The following PCDHGA4 variants were observed in gnomAD, a reference collection of about 807,000 sequenced individuals.
PCDHGA4 encodes protocadherin gamma-A4.
Under a neutral mutation model 54.6 loss-of-function variants are expected in PCDHGA4, and 38 were observed. That is an observed-to-expected ratio of 0.70 (90% CI 0.54 to 0.91). The LOEUF is 0.91. Ranked by LOEUF, PCDHGA4 falls within the 40% of genes least tolerant of loss-of-function variation. PCDHGA4 has a pLI of 0.00. For missense variants in PCDHGA4, 1,298 were observed against 1,220.9 expected, an observed-to-expected ratio of 1.06 and a Z score of -0.94; for synonymous variants, 511 against 512.9, an observed-to-expected ratio of 1.00 and a Z score of 0.05.
intron 1 of PCDHGA4, chr5:141,371,386 G>GT: frequency 6.2e-7 from 1 of 1,614,006 alleles, no homozygotes; most frequent in Non-Finnish European, 8.5e-7. Context: ...ACTGCATATT[G>GT]TAAAGTACAG....
In PCDHGA4 at chr5:141,485,049, G is replaced by C. The variant is rs1271101804; in HGVS notation, c.2515-9758G>C. On this transcript the variant is annotated intron_variant, in intron 1 of 3. Coordinates refer to ENST00000571252, the MANE Select transcript of PCDHGA4 (RefSeq NM_018917.4). The surrounding 1 kb of genome is among the most constrained non-coding windows in gnomAD (Gnocchi z 5.7). ...AACGGCGCGTAACCCTTGCGGCGCC[G>C]GCCGAACCGCGCCAGAGCTGGCGCG... 1 of 780,438 alleles carries C rather than the reference G, an allele frequency of 1.3e-6. No homozygotes were observed. The highest frequency in any genetic ancestry group is 2.1e-6 in the Non-Finnish European group (1 of 469,234). The allele number at this position is 780,438 out of a possible 1,614,324, so 48.3% of individuals were successfully genotyped here. A position where few individuals can be genotyped will look rare whatever the true frequency, so the allele number is the denominator to read the frequency against.
Position 141,399,437 on chromosome 5 carries a change from A to T in PCDHGA4, c.2514+41816A>T, listed in dbSNP as rs780100815. The stretch of plus-strand genomic sequence containing the variant: ...TCCTCCAGCATAAGCGTCATCCTAC[A>T]TATCAGAGACGTCAACGATAACGCT... On this transcript the variant is annotated intron_variant, in intron 1 of 3. Coordinates refer to ENST00000571252, the MANE Select transcript of PCDHGA4 (RefSeq NM_018917.4). 22 of 1,613,998 alleles carry T rather than the reference A, an allele frequency of 1.4e-5. No individual in the cohort carries two copies. The South Asian group carries it at 2.2e-4, about 16-fold the overall frequency.
chr5:141,494,601 A>T (rs1396717178), intron 1 of PCDHGA4, among the ~76,000 whole-genome samples: 1 of 151,892 alleles, frequency 6.6e-6, no homozygotes, highest in East Asian at 1.9e-4. Context: ...ATGAAATGTG[A>T]TTTATCTCTT....
rs2095058812 is a variant in PCDHGA4 at position 141,408,208 on chromosome 5, A to T, written c.2514+50587A>T. ...AGCGAGAACCCGAGCGAACGATGGGAGGGAGCTGCGCGCAGAGGCGCCGGG... is the reference window on the plus strand; with the variant it reads ...AGCGAGAACCCGAGCGAACGATGGGTGGGAGCTGCGCGCAGAGGCGCCGGG... On this transcript the variant is annotated intron_variant, in intron 1 of 3. Transcript: ENST00000571252. The T allele has an allele frequency of 1.9e-6, 3 of 1,553,236 alleles. No homozygotes were observed. The East Asian group carries it at 7.3e-5, about 38-fold the overall frequency.
At chr5:141,419,773 C>G (rs2096431068) in intron 1 of PCDHGA4, 1 of 1,613,916 alleles carries the variant, frequency 6.2e-7, no homozygotes, top group Non-Finnish European at 8.5e-7. Context: ...AGGACTCGGT[C>G]CGCCAGCGCC....
At chr5:141,415,257 T>G in intron 1 of PCDHGA4, 1 of 1,614,170 alleles carries the variant, frequency 6.2e-7, no homozygotes, top group Non-Finnish European at 8.5e-7. Flanking sequence ...CAGACCTCAC[T>G]CTGTACCTGG....
At chr5:141,398,593 G>A (rs2093676056) in intron 1 of PCDHGA4, 1 of 1,614,044 alleles carries the variant, frequency 6.2e-7, no homozygotes, top group Non-Finnish European at 8.5e-7. Flanking sequence ...TATACTAGAA[G>A]TAGCAGAAGA....
chr5:141,482,503 C>A (rs375429072), intron 1 of PCDHGA4, among the ~76,000 whole-genome samples: 2 of 136,154 alleles, frequency 1.5e-5, no homozygotes, highest in South Asian at 4.4e-4. Context: ...CATTCTGGTA[C>A]CCAGAGTACA....
At position 141,356,192 on chromosome 5, in the gene PCDHGA4, G is replaced by A; in HGVS notation, c.1085G>A (p.Ser362Asn). 6.2e-7 allele frequency: 1 copy of A among 1,610,042 alleles called. No homozygotes were observed. The highest frequency in any genetic ancestry group is 8.5e-7 in the Non-Finnish European group (1 of 1,177,940). Residue 362 changes from serine (S) to asparagine (N), a missense_variant, in exon 1 of 4, where the codon AGC becomes AAC. Coordinates refer to ENST00000571252, the MANE Select transcript of PCDHGA4 (RefSeq NM_018917.4). The part of the protein sequence containing the change: ...AHDGPGLRAR[S>N]KVLVTVLDEN... Reference sequence around the variant, plus strand: ...GATGGGCCTGGTCTCCGAGCTAGAAGCAAGGTACTGGTGACAGTTCTGGAT... The same window carrying A: ...GATGGGCCTGGTCTCCGAGCTAGAAACAAGGTACTGGTGACAGTTCTGGAT...
chr5:141,431,858 G>T lies in PCDHGA4; in HGVS notation c.2515-62949G>T, dbSNP rs1421209596. On this transcript the variant is annotated intron_variant, in intron 1 of 3. Coordinates refer to ENST00000571252, the MANE Select transcript of PCDHGA4 (RefSeq NM_018917.4). This position sits in a 1 kb window ranked among gnomAD's most constrained non-coding sequence, Gnocchi z 4.8. ...AAACTCTCCCAGAGGGACATTAATTGCCCTTTTAAATGTAAATGACCAAGA... is the reference window on the plus strand; with the variant it reads ...AAACTCTCCCAGAGGGACATTAATTTCCCTTTTAAATGTAAATGACCAAGA... 6.8e-6 allele frequency: 11 copies of T among 1,614,080 alleles called. No homozygotes were observed. The highest frequency in any genetic ancestry group is 8.5e-6 in the Non-Finnish European group (10 of 1,180,028).
At chr5:141,394,852 C>T in intron 1 of PCDHGA4, 1 of 1,613,838 alleles carries the variant, frequency 6.2e-7, no homozygotes, top group Non-Finnish European at 8.5e-7. Flanking sequence ...AGTCTGAAGC[C>T]TTCGGTCGAC....
At chr5:141,478,395 T>C in intron 1 of PCDHGA4, 1 of 1,613,510 alleles carries the variant, frequency 6.2e-7, no homozygotes, top group Non-Finnish European at 8.5e-7. Flanking sequence ...TACCATCAGG[T>C]GTATCTCACC....
At position 141,461,820 on chromosome 5, in the gene PCDHGA4, AT is replaced by A. The variant is rs1458631685; in HGVS notation, c.2515-32978del. Among the ~76,000 whole-genome samples the A allele has an allele frequency of 8.1e-5, 12 of 147,918 alleles. 1 individual carries two copies. In the South Asian group the frequency reaches 1.3e-3, roughly 16 times the overall value. On this transcript the variant is annotated intron_variant, in intron 1 of 3. Transcript: ENST00000571252. ...AGGTGCCCACCACCACACCCAGCTAATTTTTTTTTCTTTTTTTTTTGAGACA... is the reference window on the plus strand; with the variant it reads ...AGGTGCCCACCACCACACCCAGCTAATTTTTTTTCTTTTTTTTTTGAGACA...
rs752402965 is a variant in PCDHGA4, at chr5:141,491,400, C to G, written c.2515-3407C>G. The G allele has an allele frequency of 2.7e-5, 44 of 1,613,990 alleles. No individual in the cohort carries two copies. The highest frequency in any genetic ancestry group is 3.5e-5 in the Non-Finnish European group (41 of 1,179,996). On this transcript the variant is annotated intron_variant, in intron 1 of 3. Coordinates refer to ENST00000571252, the MANE Select transcript of PCDHGA4 (RefSeq NM_018917.4). The surrounding 1 kb of genome is among the most constrained non-coding windows in gnomAD (Gnocchi z 6.9). ...TGTCAGCGAAGTGCCTTCAGGGAAA[C>G]GCAGACGGGGACGGGGGTGGAGGGC... is the stretch of plus-strand genomic sequence containing the variant.
intron 1 of PCDHGA4, chr5:141,426,943 C>T: frequency 2.2e-6 from 1 of 456,736 alleles, no homozygotes; most frequent in Non-Finnish European, 4.4e-6. Flanking sequence ...GACCCAGTCC[C>T]AACTGGCACT....
chr5:141,362,197 C>T lies in PCDHGA4; in HGVS notation c.2514+4576C>T, dbSNP rs777116647. The T allele has an allele frequency of 8.7e-6, 14 of 1,614,082 alleles. No homozygotes were observed. The South Asian group carries it at 1.4e-4, about 16-fold the overall frequency. ...GGAGCCCTCTGACCCCCAGGCAAAA[C>T]TGCAGTTTTACCTGGTTGTGGCCTT... On this transcript the variant is annotated intron_variant, in intron 1 of 3. Transcript: ENST00000571252.
chr5:141,385,107 C>T, intron 1 of PCDHGA4: 1 of 1,614,178 alleles, frequency 6.2e-7, no homozygotes, highest in Non-Finnish European at 8.5e-7. Context: ...CGAACGTGCC[C>T]ACCTCGCACT....
chr5:141,365,739 C>G (rs368437640), intron 1 of PCDHGA4: 1 of 1,613,674 alleles, frequency 6.2e-7, no homozygotes, highest in African/African-American at 1.3e-5. Context: ...AGAGGTGTCT[C>G]TATCTTCTCT....
At chr5:141,387,214 A>G (rs189405322) in intron 1 of PCDHGA4, among the ~76,000 whole-genome samples, 1 of 152,346 alleles carries the variant, frequency 6.6e-6, no homozygotes, top group African/African-American at 2.4e-5. Context: ...TACTCTCCGG[A>G]AAAAGTTGAA....
Sources: gnomAD v4.1 joint callset for allele counts (sites outside exome capture counted in the v4.1 genomes callset) on GRCh38, gnomAD v4.1.1 for gene constraint, Gnocchi (gnomAD v3.1) non-coding constraint, MANE v1.5 for transcripts, NCBI Gene and HGNC (gene_info 2026-07-23, HGNC 2026-07-21) for gene names.